Variants in NAALADL2 observed in about 807,000 individuals in gnomAD.
The protein encoded by NAALADL2 is N-acetylated alpha-linked acidic dipeptidase like 2.
In NAALADL2, 76 loss-of-function variants were observed where a neutral mutation model predicts 87.2. The observed-to-expected ratio is 0.87, with a 90% confidence interval of 0.72 to 1.05. The LOEUF (loss-of-function observed/expected upper bound fraction) is 1.05, where lower values mean the gene tolerates loss of function less well. NAALADL2 is among the 50% of genes least tolerant of loss of function. The probability of loss-of-function intolerance (pLI) is 0.00; values close to 1 mark genes in which losing one functional copy is unlikely to be tolerated. For synonymous variants in NAALADL2, 354 were observed against 331.0 expected (o/e 1.07, Z -0.75); for missense variants, 1,089 against 945.8 (o/e 1.15, Z -1.99).
chr3:175,305,920 A>C, intron 4 of NAALADL2, among the ~76,000 whole-genome samples: 1 of 152,056 alleles, frequency 6.6e-6, no homozygotes, highest in East Asian at 1.9e-4. Context: ...CTCTGCCTTT[A>C]ATTTGCTGGC....
In NAALADL2 at chr3:175,805,849, A is replaced by G. The variant is rs998708891; in HGVS notation, c.*2646A>G. Reference sequence around the variant, plus strand: ...GAGATACTGCCCTTTATGGAAAAGCATAAGTCTCAGAATCAAAAGAAAGCC... The same window carrying G: ...GAGATACTGCCCTTTATGGAAAAGCGTAAGTCTCAGAATCAAAAGAAAGCC... On this transcript the variant is annotated 3_prime_UTR_variant, in exon 14 of 14. Coordinates refer to ENST00000454872, the MANE Select transcript of NAALADL2 (RefSeq NM_207015.3). 2 of 151,956 alleles carry G rather than the reference A, an allele frequency of 1.3e-5. No homozygotes were observed. Among genetic ancestry groups the G allele is most frequent in the African/African-American group, 4.8e-5 (2 of 41,426 alleles). The allele number at this position is 151,956 out of a possible 1,614,324, so 9.4% of individuals were successfully genotyped here.
intron 5 of NAALADL2, among the ~76,000 whole-genome samples, chr3:175,356,412 A>G (rs1764368396): frequency 6.6e-6 from 1 of 151,754 alleles, no homozygotes; most frequent in Non-Finnish European, 1.5e-5. Flanking sequence ...CATTTCTACA[A>G]AAACTAAAAA....
At chr3:174,681,162 G>T (rs1435400626) in intron 2 of NAALADL2, among the ~76,000 whole-genome samples, 1 of 152,094 alleles carries the variant, frequency 6.6e-6, no homozygotes, top group African/African-American at 2.4e-5. Context: ...CAGCCAGAGG[G>T]GTATCACCCA....
At chr3:174,873,241 A>C (rs1310494543) in intron 1 of NAALADL2, among the ~76,000 whole-genome samples, 1 of 115,158 alleles carries the variant, frequency 8.7e-6, no homozygotes, top group East Asian at 2.1e-4. Flanking sequence ...TTATTTATTT[A>C]TTTATTTATT....
In NAALADL2 at chr3:174,830,657, G is replaced by A. The variant is rs535989158; in HGVS notation, c.-9+92911G>A. Among the ~76,000 whole-genome samples the A allele has an allele frequency of 2.6e-5, 4 of 152,248 alleles. No individual in the cohort carries two copies. The East Asian group carries it at 7.7e-4, about 29-fold the overall frequency. ...TTTTCTGTGAAGAAAGGCATTGGTA[G>A]CTTGATGGGGATGGCATTGAATCTG... On this transcript the variant is annotated intron_variant, in intron 3 of 3. Transcript: ENST00000434257.
At chr3:175,272,100 G>A (rs770944424) in intron 4 of NAALADL2, among the ~76,000 whole-genome samples, 10 of 152,098 alleles carry the variant, frequency 6.6e-5, no homozygotes, top group Non-Finnish European at 1.3e-4. Flanking sequence ...AGCCCAGAAC[G>A]TTACCACATA....
At chr3:174,881,357 G>A (rs929745354) in intron 1 of NAALADL2, among the ~76,000 whole-genome samples, 4 of 151,908 alleles carry the variant, frequency 2.6e-5, no homozygotes, top group Admixed American at 2.0e-4. Flanking sequence ...AATTTTTCAG[G>A]TTTTAGGAAG....
At chr3:175,272,477 C>A (rs193243337) in intron 4 of NAALADL2, among the ~76,000 whole-genome samples, 7 of 152,072 alleles carry the variant, frequency 4.6e-5, no homozygotes, top group Admixed American at 1.3e-4. Context: ...TTACCATAGA[C>A]CCTGATTTCT....
chr3:175,160,583 C>G (rs1177820522), intron 2 of NAALADL2, among the ~76,000 whole-genome samples: 1 of 151,528 alleles, frequency 6.6e-6, no homozygotes, highest in African/African-American at 2.4e-5. Context: ...AGCTCCCAAC[C>G]TCAGGTGATC....
chr3:175,696,641 TG>T (rs1737834656), intron 11 of NAALADL2, among the ~76,000 whole-genome samples: 1 of 151,998 alleles, frequency 6.6e-6, no homozygotes, highest in African/African-American at 2.4e-5. Context: ...GGAGAAAAAT[TG>T]GAGATAAGTG....
intron 1 of NAALADL2, among the ~76,000 whole-genome samples, chr3:174,503,917 C>T (rs540328485): frequency 1.3e-4 from 20 of 151,982 alleles, no homozygotes; most frequent in Non-Finnish European, 2.2e-4. Flanking sequence ...TGAATATATT[C>T]GATACTAGAT....
rs371376560 is a variant in NAALADL2, at chr3:175,521,145, A to T, written c.1653+49387A>T. On this transcript the variant is annotated intron_variant, in intron 9 of 13. Transcript: ENST00000454872. ...TAAATTAAAAGCTAATATATCTAGT[A>T]TGATGAAATATCTACAGAGACTTTA... Among the ~76,000 whole-genome samples, 21 of 152,008 alleles carry T rather than the reference A, an allele frequency of 1.4e-4. No individual in the cohort carries two copies. In the East Asian group the frequency reaches 2.1e-3, roughly 15 times the overall value.
intron 10 of NAALADL2, among the ~76,000 whole-genome samples, chr3:175,616,798 A>C (rs1725409954): frequency 6.6e-6 from 1 of 152,134 alleles, no homozygotes; most frequent in Admixed American, 6.5e-5. Flanking sequence ...GGGTTTGAGG[A>C]GGCCCTGCAT....
At chr3:175,350,852 A>T (rs185582698) in intron 5 of NAALADL2, among the ~76,000 whole-genome samples, 14 of 152,296 alleles carry the variant, frequency 9.2e-5, no homozygotes, top group African/African-American at 3.4e-4. Flanking sequence ...TAACTTACTG[A>T]ATTGTAAATA....
chr3:175,277,584 A>T (rs1385624687), intron 4 of NAALADL2, among the ~76,000 whole-genome samples: 1 of 152,038 alleles, frequency 6.6e-6, no homozygotes, highest in Non-Finnish European at 1.5e-5. Context: ...CCAACAACCA[A>T]ATTTATCTTT....
intron 3 of NAALADL2, among the ~76,000 whole-genome samples, chr3:174,765,910 A>G (rs1713748041): frequency 6.6e-6 from 1 of 152,124 alleles, no homozygotes; most frequent in Non-Finnish European, 1.5e-5. Context: ...TGTGCACCAA[A>G]CTCTATGAGT....
chr3:175,431,358 TTTTG>T (rs569729853), intron 5 of NAALADL2, among the ~76,000 whole-genome samples: 109 of 152,108 alleles, frequency 7.2e-4, no homozygotes, highest in South Asian at 1.0e-3. Context: ...AATAGAGATT[TTTTG>T]TTTGTTTGTT....
At chr3:174,651,117 T>A (rs1724311463) in intron 2 of NAALADL2, among the ~76,000 whole-genome samples, 1 of 152,314 alleles carries the variant, frequency 6.6e-6, no homozygotes, top group Non-Finnish European at 1.5e-5. Flanking sequence ...TATAAAATTG[T>A]GCTATCATTT....
At chr3:175,499,376 G>A (rs1729234769) in intron 9 of NAALADL2, among the ~76,000 whole-genome samples, 1 of 152,000 alleles carries the variant, frequency 6.6e-6, no homozygotes, top group African/African-American at 2.4e-5. Flanking sequence ...AACAAGTCTA[G>A]CGTAAGAGTC....
Sources: gnomAD v4.1 joint callset for allele counts (sites outside exome capture counted in the v4.1 genomes callset) on GRCh38, gnomAD v4.1.1 for gene constraint, MANE v1.5 for transcripts, NCBI Gene and HGNC (gene_info 2026-07-23, HGNC 2026-07-21) for gene names.